CLVS1: variants seen among roughly 807,000 people sequenced by gnomAD.
CLVS1 encodes clavesin-1.
CLVS1 carries 10 observed loss-of-function variants against 33.1 expected under a neutral mutation model. The observed-to-expected ratio is 0.30, with a 90% CI of 0.19 to 0.51. CLVS1 has a LOEUF of 0.51. Ranked by LOEUF, CLVS1 falls within the 20% of genes least tolerant of loss-of-function variation. The probability of loss-of-function intolerance (pLI) is 0.97; values close to 1 mark genes in which losing one functional copy is unlikely to be tolerated. For missense variants in CLVS1, 343 were observed against 433.4 expected, an observed-to-expected ratio of 0.79 and a Z score of 1.85; for synonymous variants, 163 against 166.1, an observed-to-expected ratio of 0.98 and a Z score of 0.14.
intron 1 of CLVS1, among the ~76,000 whole-genome samples, chr8:61,079,072 A>T (rs1027046763): frequency 6.6e-6 from 1 of 152,190 alleles, no homozygotes; most frequent in African/African-American, 2.4e-5. Context: ...GAAAGACGTT[A>T]TTGGGGGAAA....
At chr8:61,062,574 T>A (rs919342132) in intron 1 of CLVS1, among the ~76,000 whole-genome samples, 2 of 152,220 alleles carry the variant, frequency 1.3e-5, no homozygotes, top group African/African-American at 4.8e-5. Context: ...GAGGGCTTGC[T>A]TTTGTTTTAT....
the CLVS1 span, among the ~76,000 whole-genome samples, chr8:60,986,018 T>C: frequency 6.6e-6 from 1 of 152,230 alleles, no homozygotes; most frequent in Non-Finnish European, 1.5e-5. Flanking sequence ...ACAGACATTA[T>C]GGAACACATT....
chr8:61,273,697 G>A (rs1335384372), intron 2 of CLVS1, among the ~76,000 whole-genome samples: 1 of 152,210 alleles, frequency 6.6e-6, no homozygotes, highest in Non-Finnish European at 1.5e-5. Flanking sequence ...CTCGTGGTGC[G>A]CCGTGTTTTA....
At chr8:61,271,310 T>G (rs1479041538) in intron 2 of CLVS1, among the ~76,000 whole-genome samples, 1 of 151,478 alleles carries the variant, frequency 6.6e-6, no homozygotes, top group Non-Finnish European at 1.5e-5. Context: ...TCAGTTTCCA[T>G]GGAGTTGAGC....
chr8:61,163,976 T>G (rs182156760), intron 2 of CLVS1, among the ~76,000 whole-genome samples: 1 of 152,168 alleles, frequency 6.6e-6, no homozygotes, highest in East Asian at 1.9e-4. Flanking sequence ...AAAGCTCCCA[T>G]ACAATGGGAG....
intron 2 of CLVS1, among the ~76,000 whole-genome samples, chr8:61,220,514 T>C (rs372173259): frequency 5.3e-5 from 8 of 152,122 alleles, no homozygotes; most frequent in African/African-American, 1.9e-4. Flanking sequence ...CTCCATTTGT[T>C]TATATGTCTG....
At chr8:61,388,153 G>GA (rs1814160840) in intron 3 of CLVS1, among the ~76,000 whole-genome samples, 2 of 151,730 alleles carry the variant, frequency 1.3e-5, no homozygotes, top group South Asian at 2.1e-4. Flanking sequence ...TGCAGATCAA[G>GA]AAAAAATAGT....
At chr8:61,233,051 C>G (rs1234918977) in intron 2 of CLVS1, among the ~76,000 whole-genome samples, 1 of 152,144 alleles carries the variant, frequency 6.6e-6, no homozygotes, top group Non-Finnish European at 1.5e-5. Context: ...TAACACTTTT[C>G]AAAAACTCAT....
In CLVS1 at chr8:61,456,004, C is replaced by G. The variant is rs531183963; in HGVS notation, c.741+1753C>G. ...TTTAAAACCCATCTGGGGCTCAGGA[C>G]AGTGCTAAGAACAGAGAAGTGTTCT... On this transcript the variant is annotated intron_variant, in intron 4 of 5. Coordinates refer to ENST00000325897, the MANE Select transcript of CLVS1 (RefSeq NM_173519.3). Among the ~76,000 whole-genome samples the G allele has an allele frequency of 7.9e-5, 12 of 152,350 alleles. No individual in the cohort carries two copies. The East Asian group carries it at 1.9e-3, about 24-fold the overall frequency.
At chr8:61,238,120 T>G (rs1808606136) in intron 2 of CLVS1, among the ~76,000 whole-genome samples, 1 of 152,240 alleles carries the variant, frequency 6.6e-6, no homozygotes, top group Non-Finnish European at 1.5e-5. Flanking sequence ...ATAGAAGATC[T>G]ACTTTCTTAT....
chr8:61,166,423 C>T (rs530120256), intron 2 of CLVS1, among the ~76,000 whole-genome samples: 3 of 152,246 alleles, frequency 2.0e-5, no homozygotes, highest in South Asian at 2.1e-4. Context: ...TGTGAGCCAC[C>T]GTGCCCGACC....
At chr8:61,430,125 G>A (rs960671312) in intron 3 of CLVS1, among the ~76,000 whole-genome samples, 3 of 152,060 alleles carry the variant, frequency 2.0e-5, no homozygotes, top group African/African-American at 7.2e-5. Context: ...CTTTTTTTAA[G>A]TTGTGCCCTT....
At chr8:60,968,090 C>T in the CLVS1 span, among the ~76,000 whole-genome samples, 9 of 152,190 alleles carry the variant, frequency 5.9e-5, no homozygotes, top group Non-Finnish European at 1.0e-4. Context: ...AGGCCTGCCC[C>T]TGGCGAATTG....
At chr8:61,176,530 A>T (rs1367102605) in intron 2 of CLVS1, among the ~76,000 whole-genome samples, 6 of 152,146 alleles carry the variant, frequency 3.9e-5, no homozygotes, top group Non-Finnish European at 8.8e-5. Context: ...ATTTTAAAAG[A>T]AGAGGGGGCA....
In CLVS1 at chr8:61,249,353, C is replaced by T. The variant is rs1000425868; in HGVS notation, c.-151-50324C>T. On this transcript the variant is annotated intron_variant, in intron 2 of 2. Transcript: ENST00000522621. ...CATTTGGGTTGGTTCCAAGTCTTTG[C>T]TATTGTGAATAGTGCTGCAATAAAC... 2.6e-5 allele frequency among the ~76,000 whole-genome samples: 4 copies of T among 152,304 alleles called. No individual in the cohort carries two copies. The South Asian group carries it at 8.3e-4, about 32-fold the overall frequency.
intron 3 of CLVS1, among the ~76,000 whole-genome samples, chr8:61,417,093 C>T (rs761079555): frequency 4.6e-5 from 7 of 151,994 alleles, no homozygotes; most frequent in African/African-American, 1.2e-4. Context: ...CAGAGAATGA[C>T]AAAAGAGATG....
chr8:61,465,066 C>T, intron 5 of CLVS1: 1 of 152,424 alleles, frequency 6.6e-6, no homozygotes. Flanking sequence ...CTTGCACCGT[C>T]TAGAGACAGG....
At chr8:61,486,335 T>G (rs1054766993) in intron 5 of CLVS1, among the ~76,000 whole-genome samples, 1 of 152,114 alleles carries the variant, frequency 6.6e-6, no homozygotes, top group Non-Finnish European at 1.5e-5. Flanking sequence ...ATGAAGGAAT[T>G]AATGGGCAAA....
At chr8:61,361,630 GA>G (rs1812985128) in intron 2 of CLVS1, among the ~76,000 whole-genome samples, 1 of 152,076 alleles carries the variant, frequency 6.6e-6, no homozygotes, top group Non-Finnish European at 1.5e-5. Context: ...TCTTATTTTA[GA>G]AGGAAAAACC....
Sources: gnomAD v4.1 joint callset for allele counts (sites outside exome capture counted in the v4.1 genomes callset) on GRCh38, gnomAD v4.1.1 for gene constraint, MANE v1.5 for transcripts, NCBI Gene and HGNC (gene_info 2026-07-23, HGNC 2026-07-21) for gene names.